The following SLC9A3 variants were observed in gnomAD, a reference collection of about 807,000 sequenced individuals.
The protein encoded by SLC9A3 is solute carrier family 9 member A3, also known as sodium/hydrogen exchanger 3.
SLC9A3 carries 37 observed loss-of-function variants against 86.8 expected under a neutral mutation model. The observed-to-expected ratio is 0.43, with a 90% CI of 0.33 to 0.56. SLC9A3 has a LOEUF of 0.56. Ranked by LOEUF, SLC9A3 falls within the 20% of genes least tolerant of loss-of-function variation. The pLI is 0.06. For missense variants in SLC9A3, 1,011 were observed against 1,171.9 expected, an observed-to-expected ratio of 0.86 and a Z score of 2.00; for synonymous variants, 581 against 528.3, an observed-to-expected ratio of 1.10 and a Z score of -1.37.
chr5:476,747 G>A (rs1231634466), intron 11 of SLC9A3, 75 bp from the exon 12 acceptor site: 8 of 1,554,514 alleles, frequency 5.1e-6, no homozygotes, highest in African/African-American at 2.7e-5. Context: ...GCCTTCCCAC[G>A]GCGGGCATCT....
At chr5:481,126 G>A (rs1014461867) in intron 9 of SLC9A3, among the ~76,000 whole-genome samples, 27 of 152,332 alleles carry the variant, frequency 1.8e-4, no homozygotes, top group African/African-American at 6.0e-4. Flanking sequence ...CTGACCTCAA[G>A]TGAGCTGACC....
chr5:497,183 G>A lies in SLC9A3; in HGVS notation c.212-5112C>T, dbSNP rs1010882962. Among the ~76,000 whole-genome samples the A allele has an allele frequency of 6.6e-6, 1 of 152,234 alleles. No individual in the cohort carries two copies. The highest frequency in any genetic ancestry group is 1.5e-5 in the Non-Finnish European group (1 of 68,034). ...GTCTGTTCTTGAAATCCCCGAGCCT[G>A]GAAGTGGATCTGGGTGGCACTGGTG... is the stretch of plus-strand genomic sequence containing the variant. On this transcript the variant is annotated intron_variant, in intron 1 of 16. Coordinates refer to ENST00000264938, the MANE Select transcript of SLC9A3 (RefSeq NM_004174.4). This position sits in a 1 kb window ranked among gnomAD's most constrained non-coding sequence, Gnocchi z 5.4.
intron 14 of SLC9A3, 133 bp downstream of exon 14, chr5:475,887 G>A: frequency 1.2e-6 from 1 of 817,176 alleles, no homozygotes; most frequent in Non-Finnish European, 1.9e-6. Context: ...CCCTGACCAT[G>A]CCTCCCCTGC....
chr5:505,501 T>G (rs1241755749), intron 1 of SLC9A3, among the ~76,000 whole-genome samples: 1 of 1,180 alleles, frequency 8.5e-4, no homozygotes, highest in Non-Finnish European at 1.3e-3. Context: ...AGAGTGACTG[T>G]GGGGGGGTGG....
chr5:477,407 G>A lies in SLC9A3; in HGVS notation c.1685C>T (p.Pro562Leu), dbSNP rs1261564567. ...RRGSLAFIRS[P>L]STDNVVNVDF... ...CACGTTGACCACGTTGTCGGTGCTGGGGGAGCGGATGAAGGCCAGGGACCC... is the reference window on the plus strand; with the variant it reads ...CACGTTGACCACGTTGTCGGTGCTGAGGGAGCGGATGAAGGCCAGGGACCC... The change falls in exon 11 of 17, where the codon CCC becomes CTC. Residue 562 changes from proline to leucine, a missense_variant. By Grantham distance (98) the Pro-to-Leu change is moderately conservative. This residue lies in a region of SLC9A3 where 565 missense variants were observed against 790.0 expected (regional missense o/e 0.72). Transcript: ENST00000264938. 6.2e-7 allele frequency: 1 copy of A among 1,612,978 alleles called. No homozygotes were observed. The highest frequency in any genetic ancestry group is 1.3e-5 in the African/African-American group (1 of 74,918).
chr5:479,571 A>T, intron 10 of SLC9A3: 1 of 446,316 alleles, frequency 2.2e-6, no homozygotes. Flanking sequence ...TGGGGAAAGC[A>T]AGGGAGCTCG....
chr5:475,295 A>G (rs1255169033), intron 15 of SLC9A3, 163 bp from the exon 16 acceptor site: 4 of 687,288 alleles, frequency 5.8e-6, no homozygotes. Flanking sequence ...CACATCCATG[A>G]CCCCACACGC....
chr5:488,577 C>T, intron 2 of SLC9A3, 101 bp from the exon 3 acceptor site: 1 of 1,236,694 alleles, frequency 8.1e-7, no homozygotes, highest in Non-Finnish European at 1.1e-6. Flanking sequence ...CGGAGCCCGT[C>T]TGGCTGGCGC....
intron 1 of SLC9A3, among the ~76,000 whole-genome samples, chr5:518,966 C>G (rs1733809559): frequency 6.6e-6 from 1 of 152,172 alleles, no homozygotes; most frequent in Non-Finnish European, 1.5e-5. Context: ...TCAGCACTTC[C>G]CAACCTTTGC....
chr5:472,292 G>A lies in SLC9A3; in HGVS notation c.*1087C>T. ...GGTCAGGGGTCCGGGGTCTAGGACA[G>A]GCTCAGGGGTCTCAGCAGGTTCTCC... On this transcript the variant is annotated 3_prime_UTR_variant, in exon 17 of 17. Transcript: ENST00000264938. The A allele has an allele frequency of 5.8e-6, 2 of 343,840 alleles. No individual in the cohort carries two copies. The highest frequency in any genetic ancestry group is 1.1e-5 in the Non-Finnish European group (2 of 174,904). 21.3% of individuals were successfully genotyped at this position (343,840 alleles called of 1,614,324 possible).
rs948957350 is a variant in SLC9A3, at chr5:491,045, T to C, written c.514+724A>G. Among the ~76,000 whole-genome samples, 3 of 152,322 alleles carry C rather than the reference T, an allele frequency of 2.0e-5. No homozygotes were observed. Among genetic ancestry groups the C allele is most frequent in the South Asian group, 2.1e-4 (1 of 4,822 alleles). On this transcript the variant is annotated intron_variant, in intron 2 of 16. Coordinates refer to ENST00000264938, the MANE Select transcript of SLC9A3 (RefSeq NM_004174.4). This position sits in a 1 kb window ranked among gnomAD's most constrained non-coding sequence, Gnocchi z 9.2. ...GAACCAGACGGAAAATCGCCAATTC[T>C]TGTGAGTCTGGTTCAGCTGGTGGAT... is the stretch of plus-strand genomic sequence containing the variant.
Position 496,042 on chromosome 5 carries a change from G to A in SLC9A3, c.212-3971C>T, listed in dbSNP as rs1319173052. Among the ~76,000 whole-genome samples the A allele has an allele frequency of 1.3e-5, 2 of 152,256 alleles. No homozygotes were observed. Among genetic ancestry groups the A allele is most frequent in the African/African-American group, 2.4e-5 (1 of 41,452 alleles). On this transcript the variant is annotated intron_variant, in intron 1 of 16. Transcript: ENST00000264938. This position sits in a 1 kb window ranked among gnomAD's most constrained non-coding sequence, Gnocchi z 4.7. ...GTGGGTGAGGGACAGGCTGGCTTCA[G>A]ACCAAACACTCCTGCTCAGAAGTAA... is the stretch of plus-strand genomic sequence containing the variant.
intron 7 of SLC9A3, 66 bp from the exon 8 acceptor site, chr5:482,223 T>A (rs1739236336): frequency 7.8e-7 from 1 of 1,276,280 alleles, no homozygotes; most frequent in Non-Finnish European, 1.1e-6. Context: ...CCCGGCCAGG[T>A]GCACCACACA....
intron 1 of SLC9A3, among the ~76,000 whole-genome samples, chr5:518,948 C>T (rs1003508639): frequency 2.0e-5 from 3 of 152,148 alleles, no homozygotes; most frequent in South Asian, 4.1e-4. Context: ...TTCCCTGCCC[C>T]GATGCTATCA....
intron 1 of SLC9A3, among the ~76,000 whole-genome samples, chr5:520,831 G>T (rs1319334234): frequency 6.6e-6 from 1 of 152,076 alleles, no homozygotes; most frequent in Non-Finnish European, 1.5e-5. Context: ...ACCCAGTGCT[G>T]CCAGGCCTGG....
At chr5:473,420 G>A (rs1738512793) in intron 16 of SLC9A3, 38 bp from the exon 17 acceptor site, 2 of 1,365,026 alleles carry the variant, frequency 1.5e-6, no homozygotes, top group African/African-American at 1.5e-5. Context: ...CGCGGAGCCC[G>A]GGCGCTGGGG....
In SLC9A3 at chr5:497,572, C is replaced by G. The variant is rs1740079672; in HGVS notation, c.212-5501G>C. 6.6e-6 allele frequency among the ~76,000 whole-genome samples: 1 copy of G among 152,194 alleles called. No homozygotes were observed. The highest frequency in any genetic ancestry group is 2.1e-4 in the South Asian group (1 of 4,830). On this transcript the variant is annotated intron_variant, in intron 1 of 16. Coordinates refer to ENST00000264938, the MANE Select transcript of SLC9A3 (RefSeq NM_004174.4). This position sits in a 1 kb window ranked among gnomAD's most constrained non-coding sequence, Gnocchi z 5.4. ...GAATAAATTGTTTCCAACCAGGAAA[C>G]AAGGATATCTCTTAACACAATTGTT...
chr5:475,922 G>C (rs569742231), intron 14 of SLC9A3, 98 bp downstream of exon 14: 715 of 1,098,270 alleles, frequency 6.5e-4, no homozygotes, highest in Non-Finnish European at 8.9e-4. Flanking sequence ...GGTCCCCAGA[G>C]GGGAAGGTCC....
At chr5:475,459 AC>A in intron 15 of SLC9A3, 101 bp downstream of exon 15, 18 of 708,190 alleles carry the variant, frequency 2.5e-5, no homozygotes, top group Non-Finnish European at 3.4e-5. Flanking sequence ...AGGAGACCCC[AC>A]CCCCCCAGGT....
Sources: gnomAD v4.1 joint callset for allele counts (sites outside exome capture counted in the v4.1 genomes callset) on GRCh38, gnomAD v4.1.1 for gene constraint, gnomAD v4.1.1 regional missense constraint, Gnocchi (gnomAD v3.1) non-coding constraint, MANE v1.5 for transcripts, NCBI Gene and HGNC (gene_info 2026-07-23, HGNC 2026-07-21) for gene names.